The following KCNB2 variants were observed in gnomAD, a reference collection of about 807,000 sequenced individuals.
KCNB2 encodes potassium voltage-gated channel subfamily B member 2.
A neutral mutation model predicts 61.5 loss-of-function variants in KCNB2; 15 were observed. That is an observed-to-expected ratio of 0.24 (90% CI 0.16 to 0.38). The LOEUF (loss-of-function observed/expected upper bound fraction) is 0.38, where lower values mean the gene tolerates loss of function less well. KCNB2 is among the 10% of genes least tolerant of loss of function. The pLI, the probability that KCNB2 is intolerant of heterozygous loss-of-function variation, is 1.00. For synonymous variants in KCNB2, 457 were observed against 446.0 expected (o/e 1.02, Z -0.31); for missense variants, 828 against 1,125.2 (o/e 0.74, Z 3.78).
intron 2 of KCNB2, among the ~76,000 whole-genome samples, chr8:72,639,054 C>T (rs1451067447): frequency 1.3e-5 from 2 of 152,180 alleles, no homozygotes; most frequent in Non-Finnish European, 1.5e-5. Context: ...CCTTCTACCT[C>T]CAGTGATGGC....
intron 2 of KCNB2, among the ~76,000 whole-genome samples, chr8:72,802,241 T>C (rs1271290405): frequency 2.6e-5 from 4 of 152,196 alleles, no homozygotes; most frequent in Admixed American, 2.6e-4. Context: ...TAAAACAATT[T>C]GCGAGGGCTT....
At chr8:72,892,577 T>A (rs1446879519) in intron 2 of KCNB2, among the ~76,000 whole-genome samples, 1 of 152,104 alleles carries the variant, frequency 6.6e-6, no homozygotes, top group African/African-American at 2.4e-5. Flanking sequence ...TTACAGACCA[T>A]CCATATTTTG....
intron 2 of KCNB2, among the ~76,000 whole-genome samples, chr8:72,827,147 C>T (rs1295782266): frequency 6.6e-6 from 1 of 152,118 alleles, no homozygotes; most frequent in Admixed American, 6.6e-5. Context: ...GATTGACCTT[C>T]ATATGATGGC....
At chr8:72,603,515 C>A in intron 2 of KCNB2, among the ~76,000 whole-genome samples, 1 of 152,186 alleles carries the variant, frequency 6.6e-6, no homozygotes, top group East Asian at 1.9e-4. Flanking sequence ...TAACACTGTG[C>A]TTACACTGTC....
intron 2 of KCNB2, among the ~76,000 whole-genome samples, chr8:72,887,063 G>C (rs1007417145): frequency 3.3e-5 from 5 of 152,186 alleles, no homozygotes; most frequent in African/African-American, 1.2e-4. Context: ...TTAGTGAAAG[G>C]GGATAATTAA....
chr8:72,766,933 G>A (rs1343491711), intron 2 of KCNB2, among the ~76,000 whole-genome samples: 2 of 152,152 alleles, frequency 1.3e-5, no homozygotes, highest in Admixed American at 1.3e-4. Context: ...CAGAATCATG[G>A]CAGGAGGTGG....
At chr8:72,602,839 T>C (rs1239117887) in intron 2 of KCNB2, among the ~76,000 whole-genome samples, 1 of 152,100 alleles carries the variant, frequency 6.6e-6, no homozygotes, top group Non-Finnish European at 1.5e-5. Flanking sequence ...TCTCCAAGTC[T>C]TTCCATATGA....
At chr8:72,594,113 T>C (rs1807148671) in intron 2 of KCNB2, among the ~76,000 whole-genome samples, 2 of 152,228 alleles carry the variant, frequency 1.3e-5, no homozygotes, top group Admixed American at 1.3e-4. Context: ...GATAATTTAG[T>C]TATATACCTC....
intron 2 of KCNB2, among the ~76,000 whole-genome samples, chr8:72,614,537 G>A (rs1026449424): frequency 1.3e-5 from 2 of 152,204 alleles, no homozygotes; most frequent in African/African-American, 4.8e-5. Context: ...ATGGGGGATT[G>A]AGCGCAGCAG....
At chr8:72,668,276 T>C (rs1246865816) in intron 2 of KCNB2, among the ~76,000 whole-genome samples, 1 of 152,186 alleles carries the variant, frequency 6.6e-6, no homozygotes, top group East Asian at 1.9e-4. Flanking sequence ...GAAGCACCCA[T>C]GTAGCTGACC....
Position 72,864,032 on chromosome 8 carries a change from G to A in KCNB2, c.580-71903G>A, listed in dbSNP as rs1037752729. ...AAAGAGGGGAGGTGGGGGAATAGTC[G>A]CTTTTTGCACACTTACCCACGTGAC... On this transcript the variant is annotated intron_variant, in intron 2 of 2. Coordinates refer to ENST00000523207, the MANE Select transcript of KCNB2 (RefSeq NM_004770.3). 6.6e-5 allele frequency among the ~76,000 whole-genome samples: 10 copies of A among 152,076 alleles called. No individual in the cohort carries two copies. In the East Asian group the frequency reaches 9.6e-4, roughly 15 times the overall value.
chr8:72,718,418 T>C (rs1807484849), intron 2 of KCNB2, among the ~76,000 whole-genome samples: 1 of 152,196 alleles, frequency 6.6e-6, no homozygotes, highest in African/African-American at 2.4e-5. Flanking sequence ...CGAACCCAAA[T>C]GTCCAACAAT....
chr8:72,707,896 C>CT (rs1198244271), intron 2 of KCNB2, among the ~76,000 whole-genome samples: 1 of 151,968 alleles, frequency 6.6e-6, no homozygotes, highest in Non-Finnish European at 1.5e-5. Flanking sequence ...AAAAAGGGAC[C>CT]TTTTACAAAG....
intron 2 of KCNB2, among the ~76,000 whole-genome samples, chr8:72,648,153 A>G (rs1806160298): frequency 6.6e-6 from 1 of 152,112 alleles, no homozygotes; most frequent in African/African-American, 2.4e-5. Flanking sequence ...TCGTGTCGAG[A>G]GTTTCTGCAG....
chr8:72,546,696 A>G (rs1806264217), intron 1 of KCNB2, among the ~76,000 whole-genome samples: 2 of 152,162 alleles, frequency 1.3e-5, no homozygotes, highest in South Asian at 2.1e-4. Context: ...TAGTGGCATG[A>G]TCACAGCTCA....
intron 2 of KCNB2, among the ~76,000 whole-genome samples, chr8:72,848,620 C>A (rs1810041371): frequency 6.6e-6 from 1 of 152,034 alleles, no homozygotes; most frequent in Admixed American, 6.6e-5. Context: ...GTCCATGGAC[C>A]ACATTTTGAG....
At chr8:72,728,352 G>A (rs1807685192) in intron 2 of KCNB2, among the ~76,000 whole-genome samples, 1 of 152,184 alleles carries the variant, frequency 6.6e-6, no homozygotes, top group African/African-American at 2.4e-5. Context: ...ATCAAGAAAT[G>A]TCATACACGG....
intron 2 of KCNB2, among the ~76,000 whole-genome samples, chr8:72,865,726 C>A (rs1805506482): frequency 6.6e-6 from 1 of 150,650 alleles, no homozygotes; most frequent in Admixed American, 6.6e-5. Flanking sequence ...GTATTCTTGT[C>A]TTCCTGCTCT....
intron 1 of KCNB2, among the ~76,000 whole-genome samples, chr8:72,566,987 C>G (rs1372627782): frequency 6.6e-6 from 1 of 151,980 alleles, no homozygotes; most frequent in South Asian, 2.1e-4. Context: ...AGACTGGCAC[C>G]TTGGTCAGTT....
Sources: allele counts gnomAD v4.1 joint callset (sites outside exome capture counted in the v4.1 genomes callset), GRCh38; gene constraint gnomAD v4.1.1; transcripts MANE v1.5; gene names NCBI Gene and HGNC (gene_info 2026-07-23, HGNC 2026-07-21).